The following OR10H5 variants were observed in gnomAD, a reference collection of about 807,000 sequenced individuals.
OR10H5 encodes the protein olfactory receptor 10H5.
In OR10H5, 7 loss-of-function variants were observed where a neutral mutation model predicts 12.2. That is an observed-to-expected ratio of 0.57 (90% CI 0.33 to 1.07). OR10H5 has a LOEUF of 1.07. OR10H5 is among the 50% of genes least tolerant of loss of function. The pLI, the probability that OR10H5 is intolerant of heterozygous loss-of-function variation, is 0.04. For synonymous variants in OR10H5, 159 were observed against 175.1 expected, an observed-to-expected ratio of 0.91 and a Z score of 0.73; for missense variants, 346 against 411.6, an observed-to-expected ratio of 0.84 and a Z score of 1.38.
chr19:15,794,487 T>C lies in OR10H5; in HGVS notation c.439T>C (p.Cys147Arg), dbSNP rs1252251371. Residue 147 changes from cysteine to arginine, a missense_variant, in exon 2 of 2, where the codon TGC becomes CGC. Cys to Arg is a radical substitution (Grantham distance 180). Coordinates refer to ENST00000642092, the MANE Select transcript of OR10H5 (RefSeq NM_001004466.2). ...SLRGCTCRVG[C>R]SWAGGLVMGM... ...GCGGGGCTGCACCTGCCGGGTGGGC[T>C]GCTCCTGGGCTGGTGGCTTGGTCAT... is the stretch of plus-strand genomic sequence containing the variant. The C allele has an allele frequency of 1.2e-6, 2 of 1,614,238 alleles. No individual in the cohort carries two copies. The highest frequency in any genetic ancestry group is 1.7e-6 in the Non-Finnish European group (2 of 1,180,034).
rs1169201299 is a variant in OR10H5 at position 15,795,655 on chromosome 19, G to T, written c.*659G>T. 6.6e-6 allele frequency: 1 copy of T among 152,340 alleles called. No homozygotes were observed. The highest frequency in any genetic ancestry group is 1.5e-5 in the Non-Finnish European group (1 of 68,260). The allele number at this position is 152,340 out of a possible 1,614,324, so 9.4% of individuals were successfully genotyped here. On this transcript the variant is annotated 3_prime_UTR_variant, in exon 2 of 2. Coordinates refer to ENST00000642092, the MANE Select transcript of OR10H5 (RefSeq NM_001004466.2). Reference sequence around the variant, plus strand: ...CTTTTTTACTGTAGACATCCCAGTGGTTTCTTATTGGGGTTTTGATTTGCA... The same window carrying T: ...CTTTTTTACTGTAGACATCCCAGTGTTTTCTTATTGGGGTTTTGATTTGCA...
intron 1 of OR10H5, among the ~76,000 whole-genome samples, chr19:15,790,997 C>G (rs918263194): frequency 6.6e-6 from 1 of 152,008 alleles, no homozygotes; most frequent in African/African-American, 2.4e-5. Context: ...ATACTAGAGG[C>G]TGGGAAGGGT....
At chr19:15,793,297 C>T (rs2088817433) in intron 1 of OR10H5, among the ~76,000 whole-genome samples, 1 of 152,040 alleles carries the variant, frequency 6.6e-6, no homozygotes, top group South Asian at 2.1e-4. Flanking sequence ...TTTTCTTATA[C>T]TTCGTAGACA....
rs758906192 is a variant in OR10H5, at chr19:15,794,995, G to A, written c.947G>A (p.Ter316=). The change falls in exon 2 of 2, where the codon TGA becomes TAA. Residue 316 remains the stop codon, a stop_retained_variant. Transcript: ENST00000642092. ...CFTKLFPQNC[*] is the part of the protein sequence containing the mutation. ...ACCAAACTCTTTCCACAGAACTGCTGAAATGGCTGACTTTCTCTCAAGAGA... is the reference window on the plus strand; with the variant it reads ...ACCAAACTCTTTCCACAGAACTGCTAAAATGGCTGACTTTCTCTCAAGAGA... The A allele has an allele frequency of 1.6e-5, 25 of 1,612,720 alleles. No homozygotes were observed. The highest frequency in any genetic ancestry group is 2.1e-5 in the Non-Finnish European group (25 of 1,179,288).
rs140544423 is a variant in OR10H5, at chr19:15,794,721, G to A, written c.673G>A (p.Ala225Thr). Residue 225 changes from alanine to threonine, a missense_variant, in exon 2 of 2, where the codon GCC becomes ACC. Ala to Thr is a moderately conservative substitution (Grantham distance 58, BLOSUM62 0). Coordinates refer to ENST00000642092, the MANE Select transcript of OR10H5 (RefSeq NM_001004466.2). ...CCTCTCCTATGCCTTCATCGTGGCCGCCATCTTGAAGATCCCTTCTGCTGA... is the reference window on the plus strand; with the variant it reads ...CCTCTCCTATGCCTTCATCGTGGCCACCATCTTGAAGATCCCTTCTGCTGA... ...ILLSYAFIVA[A>T]ILKIPSAEGR... 1.2e-5 allele frequency: 19 copies of A among 1,613,670 alleles called. No homozygotes were observed. In the East Asian group the frequency reaches 1.3e-4, roughly 11 times the overall value.
rs776618344 is a variant in OR10H5 at position 15,794,589 on chromosome 19, G to A, written c.541G>A (p.Val181Met). The change falls in exon 2 of 2, where the codon GTG (valine) becomes ATG (methionine). Residue 181 changes from valine (V) to methionine (M), a missense_variant. Coordinates refer to ENST00000642092, the MANE Select transcript of OR10H5 (RefSeq NM_001004466.2). ...HKEIHHFFCH[V>M]PPLLKLACGD... is the part of the protein sequence containing the mutation. ...GGAGATCCACCATTTCTTCTGCCAC[G>A]TGCCACCTCTGTTGAAGTTGGCCTG... 41 of 1,614,044 alleles carry A rather than the reference G, an allele frequency of 2.5e-5. No individual in the cohort carries two copies. The highest frequency in any genetic ancestry group is 1.6e-4 in the Middle Eastern group (1 of 6,084).
At position 15,799,276 on chromosome 19, in the gene OR10H5, C is replaced by T. The variant is rs968173787; in HGVS notation, c.*4280C>T. 75 of 152,044 alleles carry T rather than the reference C, an allele frequency of 4.9e-4. No individual in the cohort carries two copies. The highest frequency in any genetic ancestry group is 1.7e-3 in the African/African-American group (69 of 41,380). 9.4% of individuals were successfully genotyped at this position (152,044 alleles called of 1,614,324 possible). A position where few individuals can be genotyped will look rare whatever the true frequency, so the allele number is the denominator to read the frequency against. On this transcript the variant is annotated 3_prime_UTR_variant, in exon 2 of 2. Coordinates refer to ENST00000642092, the MANE Select transcript of OR10H5 (RefSeq NM_001004466.2). ...CCGGACCCCAGGAACCTTGCATCTA[C>T]TCTTTTTTTTTTCTTCAGAGATTGG...
chr19:15,788,664 A>G (rs762573265), intron 1 of OR10H5, among the ~76,000 whole-genome samples: 7 of 151,808 alleles, frequency 4.6e-5, no homozygotes, highest in Non-Finnish European at 7.4e-5. Flanking sequence ...CGCCCAGCTA[A>G]TTTTTGTAGA....
chr19:15,794,435 C>G lies in OR10H5; in HGVS notation c.387C>G (p.Pro129=). 1 of 1,614,266 alleles carries G rather than the reference C, an allele frequency of 6.2e-7. No homozygotes were observed. ...GYDRYVAICH[P]LRYNVLMSLR... The stretch of plus-strand genomic sequence containing the variant: ...ACCGCTACGTGGCCATCTGCCACCC[C>G]CTGCGTTACAACGTGCTCATGAGCC... The change falls in exon 2 of 2, where the codon CCC becomes CCG. Residue 129 remains proline (P), a synonymous_variant. Transcript: ENST00000642092.
rs1195712288 is a variant in OR10H5, at chr19:15,798,264, T to C, written c.*3268T>C. 1.3e-5 allele frequency: 2 copies of C among 152,094 alleles called. No individual in the cohort carries two copies. The highest frequency in any genetic ancestry group is 2.4e-5 in the African/African-American group (1 of 41,416). 9.4% of individuals were successfully genotyped at this position (152,094 alleles called of 1,614,324 possible). The stretch of plus-strand genomic sequence containing the variant: ...AAGTTCAGTGAGAACACAGCAGGTC[T>C]GGGGGTGTCAACTCTCCATGCCCCA... On this transcript the variant is annotated 3_prime_UTR_variant, in exon 2 of 2. Transcript: ENST00000642092.
At chr19:15,791,665 T>C (rs1325434937) in intron 1 of OR10H5, among the ~76,000 whole-genome samples, 1 of 152,020 alleles carries the variant, frequency 6.6e-6, no homozygotes, top group African/African-American at 2.4e-5. Context: ...TTGTTCAAAG[T>C]GTATCCCTTT....
rs763800207 is a variant in OR10H5 at position 15,794,462 on chromosome 19, G to A, written c.414G>A (p.Leu138=). The A allele has an allele frequency of 3.1e-6, 5 of 1,614,248 alleles. No homozygotes were observed. Among genetic ancestry groups the A allele is most frequent in the African/African-American group, 2.7e-5 (2 of 75,076 alleles). ...TGCGTTACAACGTGCTCATGAGCCTGCGGGGCTGCACCTGCCGGGTGGGCT... is the reference window on the plus strand; with the variant it reads ...TGCGTTACAACGTGCTCATGAGCCTACGGGGCTGCACCTGCCGGGTGGGCT... The part of the protein sequence containing the change: ...HPLRYNVLMS[L]RGCTCRVGCS... The change falls in exon 2 of 2, where the codon CTG becomes CTA. Residue 138 remains leucine (L), a synonymous_variant. Coordinates refer to ENST00000642092, the MANE Select transcript of OR10H5 (RefSeq NM_001004466.2).
Position 15,799,708 on chromosome 19 carries a change from T to TTTGAGAGA in OR10H5, c.*4712_*4713insTTGAGAGA. On this transcript the variant is annotated 3_prime_UTR_variant, in exon 2 of 2. Transcript: ENST00000642092. ...TTCATTGAATGTCTTTTTTTTTTTT[T>TTTGAGAGA]GAGAGAGAGAGAGAGAGAGAAATAA... is the stretch of plus-strand genomic sequence containing the variant. 6.8e-6 allele frequency: 1 copy of TTTGAGAGA among 146,748 alleles called. No individual in the cohort carries two copies. The highest frequency in any genetic ancestry group is 2.5e-5 in the African/African-American group (1 of 39,682). 9.1% of individuals were successfully genotyped at this position (146,748 alleles called of 1,614,324 possible). A position where few individuals can be genotyped will look rare whatever the true frequency, so the allele number is the denominator to read the frequency against.
chr19:15,793,565 C>T (rs963238685), intron 1 of OR10H5, among the ~76,000 whole-genome samples: 2 of 152,042 alleles, frequency 1.3e-5, no homozygotes, highest in Admixed American at 6.6e-5. Flanking sequence ...CATTCCCAGG[C>T]TAAACTTCAG....
At position 15,799,626 on chromosome 19, in the gene OR10H5, T is replaced by TATGTATATAA. The variant is rs1336107356; in HGVS notation, c.*4630_*4631insATGTATATAA. 3 of 152,044 alleles carry TATGTATATAA rather than the reference T, an allele frequency of 2.0e-5. No individual in the cohort carries two copies. Among genetic ancestry groups the TATGTATATAA allele is most frequent in the Non-Finnish European group, 4.4e-5 (3 of 68,022 alleles). The allele number at this position is 152,044 out of a possible 1,614,324, so 9.4% of individuals were successfully genotyped here. On this transcript the variant is annotated 3_prime_UTR_variant, in exon 2 of 2. Transcript: ENST00000642092. ...TGCTGATGAAACGTTATGTATATAA[T>TATGTATATAA]TGTATGTTGTCTACAAGGTAAACCT...
chr19:15,787,963 G>C (rs879525687), intron 1 of OR10H5, among the ~76,000 whole-genome samples: 3 of 152,160 alleles, frequency 2.0e-5, no homozygotes, highest in Non-Finnish European at 4.4e-5. Flanking sequence ...CTACTGCCTA[G>C]AGCAGCCCCC....
rs752810188 is a variant in OR10H5 at position 15,794,376 on chromosome 19, A to C, written c.328A>C (p.Thr110Pro). Residue 110 changes from threonine to proline, a missense_variant, in exon 2 of 2, where the codon ACC becomes CCC. Coordinates refer to ENST00000642092, the MANE Select transcript of OR10H5 (RefSeq NM_001004466.2). The stretch of plus-strand genomic sequence containing the variant: ...GTTCTTCTCCTTCAGCTTCGGCTTC[A>C]CCCACTCCTTCCTGCTCACTGTCAT... ...QMFFSFSFGF[T>P]HSFLLTVMGY... 6.2e-7 allele frequency: 1 copy of C among 1,613,958 alleles called. No homozygotes were observed. Among genetic ancestry groups the C allele is most frequent in the Non-Finnish European group, 8.5e-7 (1 of 1,179,988 alleles).
Position 15,795,045 on chromosome 19 carries a change from C to A in OR10H5, c.*49C>A. On this transcript the variant is annotated 3_prime_UTR_variant, in exon 2 of 2. Transcript: ENST00000642092. ...ATGTAGCGAATGGGAACACTTTAGT[C>A]TTCCTCCTTTATTTCTTTTCCTTTC... The A allele has an allele frequency of 6.7e-7, 1 of 1,489,456 alleles. No individual in the cohort carries two copies. Among genetic ancestry groups the A allele is most frequent in the Non-Finnish European group, 9.2e-7 (1 of 1,085,846 alleles). The allele number at this position is 1,489,456 out of a possible 1,614,324, so 92.3% of individuals were successfully genotyped here. A position where few individuals can be genotyped will look rare whatever the true frequency, so the allele number is the denominator to read the frequency against.
Position 15,799,655 on chromosome 19 carries a change from A to G in OR10H5, c.*4659A>G, listed in dbSNP as rs551887453. 6.6e-6 allele frequency: 1 copy of G among 151,834 alleles called. No homozygotes were observed. Among genetic ancestry groups the G allele is most frequent in the African/African-American group, 2.4e-5 (1 of 41,314 alleles). The allele number at this position is 151,834 out of a possible 1,614,324, so 9.4% of individuals were successfully genotyped here. Reference sequence around the variant, plus strand: ...ATGTTGTCTACAAGGTAAACCTTAAAAGTATGACAAATAGAGGTTACTATA... The same window carrying G: ...ATGTTGTCTACAAGGTAAACCTTAAGAGTATGACAAATAGAGGTTACTATA... On this transcript the variant is annotated 3_prime_UTR_variant, in exon 2 of 2. Coordinates refer to ENST00000642092, the MANE Select transcript of OR10H5 (RefSeq NM_001004466.2).
Sources: gnomAD v4.1 joint callset for allele counts (sites outside exome capture counted in the v4.1 genomes callset) on GRCh38, gnomAD v4.1.1 for gene constraint, MANE v1.5 for transcripts, NCBI Gene and HGNC (gene_info 2026-07-23, HGNC 2026-07-21) for gene names.